Variants in CTNNA1 observed in about 807,000 individuals in gnomAD.
CTNNA1 encodes the protein catenin alpha 1.
Under a neutral mutation model 98.4 loss-of-function variants are expected in CTNNA1, and 37 were observed. That is an observed-to-expected ratio of 0.38 (90% confidence interval 0.29 to 0.49). The LOEUF (loss-of-function observed/expected upper bound fraction) is 0.49, where lower values mean the gene tolerates loss of function less well. CTNNA1 is among the 20% of genes least tolerant of loss of function. The pLI is 0.95. For missense variants in CTNNA1, 761 were observed against 1,147.2 expected (o/e 0.66, Z 4.86); for synonymous variants, 404 against 413.2 (o/e 0.98, Z 0.27).
chr5:138,930,247 G>A (rs542739170), intron 14 of CTNNA1, among the ~76,000 whole-genome samples: 93 of 152,170 alleles, frequency 6.1e-4, no homozygotes, highest in African/African-American at 2.2e-3. Flanking sequence ...TCCACCCCTC[G>A]CTGTTTCCTT....
chr5:138,798,107 G>A (rs753165315), intron 3 of CTNNA1, among the ~76,000 whole-genome samples: 1 of 152,148 alleles, frequency 6.6e-6, no homozygotes, highest in Non-Finnish European at 1.5e-5. Flanking sequence ...TTCTAAAAAG[G>A]TAAGAAACAG....
chr5:138,849,740 GC>G (rs1368787252), intron 7 of CTNNA1, among the ~76,000 whole-genome samples: 2 of 152,154 alleles, frequency 1.3e-5, no homozygotes, highest in Non-Finnish European at 2.9e-5. Context: ...TCATTTGCTG[GC>G]TTTCATAGGG....
chr5:138,814,838 C>T (rs1464383086), intron 5 of CTNNA1, among the ~76,000 whole-genome samples: 1 of 152,034 alleles, frequency 6.6e-6, no homozygotes, highest in East Asian at 1.9e-4. Context: ...ACTGCAACCT[C>T]CACCTCCTGG....
At chr5:138,900,365 A>G (rs764433571) in intron 9 of CTNNA1, among the ~76,000 whole-genome samples, 53 of 152,120 alleles carry the variant, frequency 3.5e-4, no homozygotes, top group Non-Finnish European at 6.6e-4. Context: ...TACTCCTACA[A>G]CAGGTATAAA....
chr5:138,756,660 G>A (rs538302656), intron 1 of CTNNA1, among the ~76,000 whole-genome samples: 5 of 152,296 alleles, frequency 3.3e-5, no homozygotes, highest in Non-Finnish European at 7.4e-5. Context: ...TTTTTCAGTG[G>A]GGAGAAGACC....
In CTNNA1 at chr5:138,925,302, C is replaced by T. The variant is rs763973229; in HGVS notation, c.1794C>T (p.Leu598=). ...AAGTAGAAGCAGCCGTGGAAGCCCTCAGCTCGGACCCTGCCCAGCCCATGG... is the reference window on the plus strand; with the variant it reads ...AAGTAGAAGCAGCCGTGGAAGCCCTTAGCTCGGACCCTGCCCAGCCCATGG... ...TEQVEAAVEA[L]SSDPAQPMDE... The change falls in exon 13 of 18, where the codon CTC becomes CTT. Residue 598 remains leucine, a synonymous_variant. Coordinates refer to ENST00000302763, the MANE Select transcript of CTNNA1 (RefSeq NM_001903.5). The T allele has an allele frequency of 6.2e-7, 1 of 1,614,164 alleles. No individual in the cohort carries two copies. Among genetic ancestry groups the T allele is most frequent in the Admixed American group, 1.7e-5 (1 of 60,014 alleles).
At chr5:138,913,993 G>C (rs984680345) in intron 10 of CTNNA1, among the ~76,000 whole-genome samples, 6 of 152,196 alleles carry the variant, frequency 3.9e-5, no homozygotes, top group Non-Finnish European at 7.3e-5. Context: ...TGGGATTACA[G>C]GCGTGAGCCA....
chr5:138,876,350 TC>T (rs1420431759), intron 7 of CTNNA1, among the ~76,000 whole-genome samples: 1 of 152,224 alleles, frequency 6.6e-6, no homozygotes, highest in African/African-American at 2.4e-5. Flanking sequence ...ATACAAAAGG[TC>T]ACTCATGCTT....
At chr5:138,782,856 T>C (rs1755276740) in intron 2 of CTNNA1, among the ~76,000 whole-genome samples, 1 of 152,228 alleles carries the variant, frequency 6.6e-6, no homozygotes, top group Non-Finnish European at 1.5e-5. Context: ...TTCTGGAACA[T>C]CTTGGTGACA....
chr5:138,805,311 T>G (rs1012043122), intron 3 of CTNNA1, among the ~76,000 whole-genome samples: 2 of 152,198 alleles, frequency 1.3e-5, no homozygotes, highest in African/African-American at 4.8e-5. Flanking sequence ...TATGATAACA[T>G]TTAACCCTTT....
chr5:138,879,172 A>AAAAT (rs1752336474), intron 7 of CTNNA1, among the ~76,000 whole-genome samples: 1 of 29,340 alleles, frequency 3.4e-5, no homozygotes. Flanking sequence ...CTCCGTCTTT[A>AAAAT]AAAAAAAAAA....
intron 5 of CTNNA1, among the ~76,000 whole-genome samples, chr5:138,823,979 A>G (rs1760355958): frequency 6.6e-6 from 1 of 150,648 alleles, no homozygotes; most frequent in East Asian, 1.9e-4. Flanking sequence ...AAAAAAAAAA[A>G]AAAAAAATTA....
At chr5:138,772,507 T>C (rs559179987) in intron 1 of CTNNA1, among the ~76,000 whole-genome samples, 1 of 152,328 alleles carries the variant, frequency 6.6e-6, no homozygotes, top group South Asian at 2.1e-4. Flanking sequence ...AACCAGAAGA[T>C]ACGACTAAGA....
intron 7 of CTNNA1, chr5:138,869,631 T>C (rs982526700): frequency 6.6e-6 from 1 of 152,564 alleles, no homozygotes; most frequent in Non-Finnish European, 1.5e-5. Flanking sequence ...ATGCCTGTTT[T>C]GAATTTTAGA....
intron 7 of CTNNA1, among the ~76,000 whole-genome samples, chr5:138,833,438 G>A (rs566600394): frequency 6.6e-6 from 1 of 152,244 alleles, no homozygotes; most frequent in East Asian, 1.9e-4. Flanking sequence ...ATAGAAAAAA[G>A]AATGTGAATT....
chr5:138,777,318 C>T (rs1277164888), intron 1 of CTNNA1, among the ~76,000 whole-genome samples: 6 of 151,292 alleles, frequency 4.0e-5, no homozygotes, highest in African/African-American at 1.2e-4. Flanking sequence ...GGAAGAGGCG[C>T]TCCTCACTTC....
intron 1 of CTNNA1, among the ~76,000 whole-genome samples, chr5:138,768,439 A>G (rs1237246903): frequency 1.3e-5 from 2 of 150,724 alleles, no homozygotes; most frequent in Non-Finnish European, 3.0e-5. Flanking sequence ...TTTTTTTTTT[A>G]AAGTAGAGAT....
chr5:138,889,821 C>T (rs1194453505), intron 9 of CTNNA1, among the ~76,000 whole-genome samples: 12 of 151,966 alleles, frequency 7.9e-5, no homozygotes, highest in Non-Finnish European at 1.6e-4. Context: ...ATTACATTTA[C>T]GGTAATAGAG....
chr5:138,805,895 T>A (rs1375894241), intron 3 of CTNNA1, among the ~76,000 whole-genome samples: 1 of 152,110 alleles, frequency 6.6e-6, no homozygotes, highest in Non-Finnish European at 1.5e-5. Flanking sequence ...TTAAATTTTT[T>A]TGATGATGTC....
Sources: allele counts gnomAD v4.1 joint callset (sites outside exome capture counted in the v4.1 genomes callset), GRCh38; gene constraint gnomAD v4.1.1; transcripts MANE v1.5; gene names NCBI Gene and HGNC (gene_info 2026-07-23, HGNC 2026-07-21).